Variants in BNC1 observed in about 807,000 individuals in gnomAD.
The protein encoded by BNC1 is basonuclin zinc finger protein 1.
BNC1 carries 8 observed loss-of-function variants against 66.5 expected under a neutral mutation model. The observed-to-expected ratio is 0.12, with a 90% CI of 0.07 to 0.22. BNC1 has a LOEUF of 0.22. Among genes scored for constraint, BNC1 ranks in the 10% least tolerant of loss-of-function variants. The pLI, the probability that BNC1 is intolerant of heterozygous loss-of-function variation, is 1.00. For synonymous variants in BNC1, 454 were observed against 452.6 expected (o/e 1.00, Z -0.04); for missense variants, 1,069 against 1,241.3 (o/e 0.86, Z 2.09).
At chr15:83,280,618 A>G (rs1374722195) in intron 1 of BNC1, among the ~76,000 whole-genome samples, 1 of 152,228 alleles carries the variant, frequency 6.6e-6, no homozygotes, top group African/African-American at 2.4e-5. Context: ...TTCAGTGTGA[A>G]GTATCATGAA....
chr15:83,257,739 C>A lies in BNC1; in HGVS notation c.2688G>T (p.Gly896=), dbSNP rs2151433620. ...LMEDSDGNCE[G]SSLVPGEDEY... ...CATCTTCCCCAGGGACAAGGCTCGACCCTTCACAGTTCCCATCACTGTCCT... is the reference window on the plus strand; with the variant it reads ...CATCTTCCCCAGGGACAAGGCTCGAACCTTCACAGTTCCCATCACTGTCCT... The change falls in exon 5 of 5, where the codon GGG becomes GGT. Residue 896 remains glycine (G), a synonymous_variant. Coordinates refer to ENST00000345382, the MANE Select transcript of BNC1 (RefSeq NM_001717.4). 6.2e-7 allele frequency: 1 copy of A among 1,614,148 alleles called. No homozygotes were observed. The highest frequency in any genetic ancestry group is 2.2e-5 in the East Asian group (1 of 44,878).
intron 1 of BNC1, among the ~76,000 whole-genome samples, chr15:83,279,601 G>A (rs550360777): frequency 2.6e-5 from 4 of 152,244 alleles, no homozygotes; most frequent in South Asian, 2.1e-4. Context: ...TCTCTGTTAC[G>A]GGCAGTGAGA....
At position 83,263,063 on chromosome 15, in the gene BNC1, T is replaced by C. The variant is rs781719081; in HGVS notation, c.2188A>G (p.Lys730Glu). 5.0e-6 allele frequency: 8 copies of C among 1,614,208 alleles called. No homozygotes were observed. The highest frequency in any genetic ancestry group is 6.8e-6 in the Non-Finnish European group (8 of 1,180,032). The change falls in exon 4 of 5, where the codon AAA (lysine) becomes GAA (glutamate). Residue 730 changes from lysine to glutamate, a missense_variant. Lys to Glu is a moderately conservative substitution (Grantham distance 56). This residue lies in a region of BNC1 where 657 missense variants were observed against 715.8 expected (regional missense o/e 0.92). Transcript: ENST00000345382. ...FQCDICKKTF[K>E]NACSVKIHHK... ...TGAATTTTCACACTACAAGCATTTT[T>C]AAAGGTCTTCTTGCAGATGTCACAC...
Position 83,263,786 on chromosome 15 carries a change from G to A in BNC1, c.1465C>T (p.Leu489Phe). 6.2e-7 allele frequency: 1 copy of A among 1,614,198 alleles called. No homozygotes were observed. Among genetic ancestry groups the A allele is most frequent in the Non-Finnish European group, 8.5e-7 (1 of 1,180,048 alleles). ...FPNLKTVQPV[L>F]PFYRSPATPA... is the part of the protein sequence containing the mutation. Reference sequence around the variant, plus strand: ...GTGGCTGGACTGCGGTAGAAAGGAAGGACTGGCTGGACTGTCTTTAGGTTG... The same window carrying A: ...GTGGCTGGACTGCGGTAGAAAGGAAAGACTGGCTGGACTGTCTTTAGGTTG... The change falls in exon 4 of 5, where the codon CTT (leucine) becomes TTT (phenylalanine). Residue 489 changes from leucine to phenylalanine, a missense_variant. By Grantham distance (22) the Leu-to-Phe change is conservative (BLOSUM62 0). Around this residue, in one of 7 missense-constraint regions of BNC1, gnomAD observed 657 missense variants for 715.8 expected, o/e 0.92. Coordinates refer to ENST00000345382, the MANE Select transcript of BNC1 (RefSeq NM_001717.4).
rs2038303263 is a variant in BNC1, at chr15:83,274,751, G to C, written c.100-6519C>G. Among the ~76,000 whole-genome samples, 4 of 152,210 alleles carry C rather than the reference G, an allele frequency of 2.6e-5. 1 individual carries two copies. In the South Asian group the frequency reaches 8.3e-4, roughly 32 times the overall value. On this transcript the variant is annotated intron_variant, in intron 1 of 4. Transcript: ENST00000345382. ...TACATGTGAGATACTGTACTAATCA[G>C]TGTACAAGAATTATTTCATTTCTTT...
chr15:83,266,627 T>C (rs930076800), intron 3 of BNC1, among the ~76,000 whole-genome samples: 4 of 152,158 alleles, frequency 2.6e-5, no homozygotes, highest in African/African-American at 9.7e-5. Context: ...GAATATGTAA[T>C]GCTCCTAAAG....
At chr15:83,279,221 A>G (rs2038355273) in intron 1 of BNC1, among the ~76,000 whole-genome samples, 1 of 152,218 alleles carries the variant, frequency 6.6e-6, no homozygotes, top group Non-Finnish European at 1.5e-5. Flanking sequence ...GATTTGCTTT[A>G]AAGTAATCTA....
chr15:83,259,069 T>TG (rs2043655452), intron 4 of BNC1, among the ~76,000 whole-genome samples: 1 of 152,242 alleles, frequency 6.6e-6, no homozygotes, highest in Non-Finnish European at 1.5e-5. Flanking sequence ...ACAGAAGTTT[T>TG]GCAAATGCAG....
chr15:83,268,192 T>G lies in BNC1; in HGVS notation c.140A>C (p.Lys47Thr), dbSNP rs1231930353. 1 of 1,614,204 alleles carries G rather than the reference T, an allele frequency of 6.2e-7. No individual in the cohort carries two copies. Among genetic ancestry groups the G allele is most frequent in the Admixed American group, 1.7e-5 (1 of 60,024 alleles). The change falls in exon 2 of 5, where the codon AAA (lysine) becomes ACA (threonine). Residue 47 changes from lysine (K) to threonine (T), a missense_variant. Around this residue, in one of 7 missense-constraint regions of BNC1, gnomAD observed 78 missense variants for 80.9 expected, o/e 0.96. Coordinates refer to ENST00000345382, the MANE Select transcript of BNC1 (RefSeq NM_001717.4). The part of the protein sequence containing the change: ...CTLNCSCQSF[K>T]PGKINHRQCD... ...CTGACGGTGGTTTATTTTCCCGGGT[T>G]TGAAACTTTGGCAACTACAGTTCAG...
chr15:83,276,281 A>G (rs1161873085), intron 1 of BNC1, among the ~76,000 whole-genome samples: 3 of 152,200 alleles, frequency 2.0e-5, no homozygotes, highest in African/African-American at 7.2e-5. Context: ...GCTACCAAAA[A>G]TATCTAAGGT....
chr15:83,270,641 A>G (rs914619978), intron 1 of BNC1, among the ~76,000 whole-genome samples: 7 of 152,182 alleles, frequency 4.6e-5, no homozygotes, highest in Non-Finnish European at 1.0e-4. Context: ...CCCTGGAGAC[A>G]TGTCTCTTCA....
chr15:83,268,294 AT>A, intron 1 of BNC1, 62 bp from the exon 2 acceptor site: 1 of 1,416,082 alleles, frequency 7.1e-7, no homozygotes, highest in East Asian at 2.3e-5. Flanking sequence ...CATTCATTGT[AT>A]TTCAAACAAA....
intron 3 of BNC1, among the ~76,000 whole-genome samples, chr15:83,265,476 T>C (rs2038207738): frequency 6.6e-6 from 1 of 152,254 alleles, no homozygotes; most frequent in African/African-American, 2.4e-5. Flanking sequence ...GTAAGAGTTT[T>C]GAAGATGATG....
chr15:83,279,797 A>G (rs2038360665), intron 1 of BNC1, among the ~76,000 whole-genome samples: 1 of 152,196 alleles, frequency 6.6e-6, no homozygotes, highest in Non-Finnish European at 1.5e-5. Context: ...TATAAACACA[A>G]CACTAAAGGA....
At chr15:83,278,992 G>A (rs929747925) in intron 1 of BNC1, among the ~76,000 whole-genome samples, 1 of 152,036 alleles carries the variant, frequency 6.6e-6, no homozygotes, top group Non-Finnish European at 1.5e-5. Context: ...GACAATGTAC[G>A]GACCTTACTT....
chr15:83,273,527 T>C (rs2038288394), intron 1 of BNC1, among the ~76,000 whole-genome samples: 1 of 151,708 alleles, frequency 6.6e-6, no homozygotes, highest in Non-Finnish European at 1.5e-5. Flanking sequence ...GCACTCATCT[T>C]AATCAGACTA....
chr15:83,262,976 A>T lies in BNC1; in HGVS notation c.2275T>A (p.Phe759Ile). Residue 759 changes from phenylalanine (F) to isoleucine (I), a missense_variant, in exon 4 of 5, where the codon TTT (phenylalanine) becomes ATT (isoleucine). Around this residue, in one of 7 missense-constraint regions of BNC1, gnomAD observed 657 missense variants for 715.8 expected, o/e 0.92. Transcript: ENST00000345382. ...TCTVEGCNATFPSRRSRDRHS... is the reference protein window; with the variant it reads ...TCTVEGCNATIPSRRSRDRHS... ...CTGTCTCTGCTCCTGCGGGAGGGAA[A>T]GGTAGCATTACAGCCCTCCACTGTG... 6.2e-7 allele frequency: 1 copy of T among 1,609,678 alleles called. No homozygotes were observed. Among genetic ancestry groups the T allele is most frequent in the East Asian group, 2.2e-5 (1 of 44,760 alleles).
chr15:83,257,852 T>G lies in BNC1; in HGVS notation c.2575A>C (p.Ser859Arg). ...PLSEGTILDLSTTSSMKSESS... is the reference protein window; with the variant it reads ...PLSEGTILDLRTTSSMKSESS... ...TCTGACTTCATGCTCGAGGTAGTGC[T>G]CAAATCCAGGATGGTGCCCTCGCTC... Residue 859 changes from serine to arginine, a missense_variant, in exon 5 of 5, where the codon AGC becomes CGC. Physicochemically the swap from Ser to Arg is moderately radical, Grantham distance 110. Transcript: ENST00000345382. 1 of 1,614,126 alleles carries G rather than the reference T, an allele frequency of 6.2e-7. No homozygotes were observed. Among genetic ancestry groups the G allele is most frequent in the Non-Finnish European group, 8.5e-7 (1 of 1,180,010 alleles).
At chr15:83,280,844 G>A (rs2038370329) in intron 1 of BNC1, among the ~76,000 whole-genome samples, 2 of 152,198 alleles carry the variant, frequency 1.3e-5, no homozygotes, top group Non-Finnish European at 2.9e-5. Flanking sequence ...CCTGAATTAA[G>A]AGTTTACCTG....
Sources: allele counts gnomAD v4.1 joint callset (sites outside exome capture counted in the v4.1 genomes callset), GRCh38; gene constraint gnomAD v4.1.1; regional missense constraint gnomAD v4.1.1; transcripts MANE v1.5; gene names NCBI Gene and HGNC (gene_info 2026-07-23, HGNC 2026-07-21).